The following KCND3 variants were observed in gnomAD, a reference collection of about 807,000 sequenced individuals.
KCND3 encodes A-type voltage-gated potassium channel KCND3.
Under a neutral mutation model 51.1 loss-of-function variants are expected in KCND3, and 9 were observed. The ratio of observed to expected loss-of-function variants is 0.18; its 90% CI spans 0.11 to 0.31. KCND3 has a LOEUF of 0.31. Among genes scored for constraint, KCND3 ranks in the 10% least tolerant of loss-of-function variants. KCND3 has a pLI of 1.00. For missense variants in KCND3, 526 were observed against 903.8 expected (o/e 0.58, Z 5.36); for synonymous variants, 349 against 368.0 (o/e 0.95, Z 0.59).
At chr1:111,839,635 A>G (rs576930491) in intron 2 of KCND3, among the ~76,000 whole-genome samples, 1 of 152,388 alleles carries the variant, frequency 6.6e-6, no homozygotes, top group African/African-American at 2.4e-5. Context: ...ATGATGGCTA[A>G]TATGTATTGA....
chr1:111,912,043 G>C (rs898662385), intron 2 of KCND3, among the ~76,000 whole-genome samples: 11 of 152,216 alleles, frequency 7.2e-5, no homozygotes, highest in South Asian at 2.1e-4. Flanking sequence ...TCCACTTAAA[G>C]AGCTTTGCCA....
chr1:111,982,463 G>C lies in KCND3; in HGVS notation c.264C>G (p.Pro88=). ...AGTTGAGCACGCAGCGGAACACCTC[G>C]GGGTCCCGGTCGAAGAAGTACTCCT... ...DTKEYFFDRD[P]EVFRCVLNFY... The change falls in exon 2 of 8, where the codon CCC becomes CCG. Residue 88 remains proline, a synonymous_variant. Transcript: ENST00000302127. This position sits in a 1 kb window ranked among gnomAD's most constrained non-coding sequence, Gnocchi z 8.5. The C allele has an allele frequency of 6.2e-7, 1 of 1,612,374 alleles. No homozygotes were observed. The highest frequency in any genetic ancestry group is 8.5e-7 in the Non-Finnish European group (1 of 1,178,606).
chr1:111,882,992 C>A (rs1669405273), intron 2 of KCND3, among the ~76,000 whole-genome samples: 1 of 152,228 alleles, frequency 6.6e-6, no homozygotes, highest in African/African-American at 2.4e-5. Flanking sequence ...TCCTCGAGAG[C>A]CTTCCCTCCA....
intron 2 of KCND3, among the ~76,000 whole-genome samples, chr1:111,857,355 G>A (rs898950999): frequency 1.3e-4 from 20 of 152,136 alleles, no homozygotes; most frequent in Non-Finnish European, 7.3e-5. Flanking sequence ...CAGAGGGCAC[G>A]GGGCTGGTTT....
At position 111,776,127 on chromosome 1, in the gene KCND3, T is replaced by C. The variant is rs758286812; in HGVS notation, c.1918A>G (p.Thr640Ala). ...TTGCTGGCTATGGAAGGAATGTTCG[T>C]GTTGGGGCCTGGGCTGGCAGGGGGT... ...RPPPASPGPN[T>A]NIPSIASNVV... Residue 640 changes from threonine to alanine, a missense_variant, in exon 8 of 8, where the codon ACG (threonine) becomes GCG (alanine). By Grantham distance (58) the Thr-to-Ala change is moderately conservative. Transcript: ENST00000302127. 4 of 1,614,166 alleles carry C rather than the reference T, an allele frequency of 2.5e-6. No homozygotes were observed. The highest frequency in any genetic ancestry group is 3.4e-6 in the Non-Finnish European group (4 of 1,180,018).
At chr1:111,881,488 G>A (rs1424551560) in intron 2 of KCND3, among the ~76,000 whole-genome samples, 2 of 152,186 alleles carry the variant, frequency 1.3e-5, no homozygotes, top group African/African-American at 4.8e-5. Flanking sequence ...GGCTTCCCCT[G>A]TCACCAGACA....
chr1:111,910,445 G>C (rs910105026), intron 2 of KCND3: 1 of 152,282 alleles, frequency 6.6e-6, no homozygotes, highest in East Asian at 1.9e-4. Context: ...GCCAGAGTGG[G>C]CAGCTGAGGT....
chr1:111,870,740 G>T (rs1370297690), intron 2 of KCND3, among the ~76,000 whole-genome samples: 1 of 152,000 alleles, frequency 6.6e-6, no homozygotes, highest in Non-Finnish European at 1.5e-5. Flanking sequence ...GACACAAAAA[G>T]AAGAAAGAGG....
chr1:111,820,086 C>T (rs1394554490), intron 2 of KCND3, among the ~76,000 whole-genome samples: 1 of 152,226 alleles, frequency 6.6e-6, no homozygotes, highest in Non-Finnish European at 1.5e-5. Flanking sequence ...GCCAACTCCT[C>T]ATGCTCTGTG....
At chr1:111,867,186 C>T (rs1483817545) in intron 2 of KCND3, among the ~76,000 whole-genome samples, 3 of 151,956 alleles carry the variant, frequency 2.0e-5, no homozygotes, top group Admixed American at 2.0e-4. Context: ...ATTGATGGTC[C>T]CACCATATAA....
At chr1:111,805,470 T>A (rs1665522425) in intron 2 of KCND3, among the ~76,000 whole-genome samples, 1 of 152,254 alleles carries the variant, frequency 6.6e-6, no homozygotes, top group Admixed American at 6.5e-5. Context: ...GGTTCCTTCC[T>A]GAGCCCCTCA....
At chr1:111,788,981 T>C (rs1021426671) in intron 2 of KCND3, among the ~76,000 whole-genome samples, 39 of 152,194 alleles carry the variant, frequency 2.6e-4, no homozygotes, top group Non-Finnish European at 2.4e-4. Flanking sequence ...CAGTTGGTTG[T>C]CCCAAGTTCA....
chr1:111,875,038 A>T (rs796287752), intron 2 of KCND3, among the ~76,000 whole-genome samples: 6 of 152,186 alleles, frequency 3.9e-5, no homozygotes, highest in African/African-American at 1.4e-4. Flanking sequence ...AATGAATCAA[A>T]TGTCCCGAGG....
chr1:111,856,406 TG>T lies in KCND3; in HGVS notation c.1107-69301del, dbSNP rs138035599. 2.9e-3 allele frequency among the ~76,000 whole-genome samples: 436 copies of T among 152,306 alleles called. 2 individuals are homozygous for T. Among genetic ancestry groups the T allele is most frequent in the African/African-American group, 9.6e-3 (401 of 41,558 alleles). On this transcript the variant is annotated intron_variant, in intron 2 of 7. Coordinates refer to ENST00000302127, the MANE Select transcript of KCND3 (RefSeq NM_001378969.1). ...ACTGTGATCATTACAGAGGATAACA[TG>T]AGTGGAAGCTCTCTGCGTGCTGTGC...
intron 2 of KCND3, among the ~76,000 whole-genome samples, chr1:111,957,036 G>A (rs147800253): frequency 8.3e-4 from 127 of 152,282 alleles, no homozygotes; most frequent in African/African-American, 2.7e-3. Flanking sequence ...AGGGCCTGGG[G>A]CCTGCAAGAC....
At chr1:111,782,344 G>GA (rs1251230183) in intron 3 of KCND3, among the ~76,000 whole-genome samples, 20 of 152,104 alleles carry the variant, frequency 1.3e-4, no homozygotes, top group Admixed American at 1.3e-3. Flanking sequence ...ACTTGAGCCT[G>GA]AAAGATCTTC....
intron 2 of KCND3, among the ~76,000 whole-genome samples, chr1:111,935,407 G>A (rs1418314978): frequency 6.6e-6 from 1 of 152,038 alleles, no homozygotes; most frequent in Non-Finnish European, 1.5e-5. Context: ...TGACTTGCCT[G>A]TTTTTACTCA....
intron 2 of KCND3, among the ~76,000 whole-genome samples, chr1:111,965,489 C>CACACACACACACACAT (rs1553184421): frequency 6.7e-6 from 1 of 150,056 alleles, no homozygotes; most frequent in Non-Finnish European, 1.5e-5. Flanking sequence ...CACACACACA[C>CACACACACACACACAT]GCCAGGAGCA....
intron 2 of KCND3, among the ~76,000 whole-genome samples, chr1:111,833,883 C>T (rs1666958753): frequency 6.6e-6 from 1 of 152,126 alleles, no homozygotes; most frequent in Admixed American, 6.5e-5. Flanking sequence ...ATAAGGGAAA[C>T]CCAACAAGAA....
Sources: gnomAD v4.1 joint callset for allele counts (sites outside exome capture counted in the v4.1 genomes callset) on GRCh38, gnomAD v4.1.1 for gene constraint, Gnocchi (gnomAD v3.1) non-coding constraint, MANE v1.5 for transcripts, NCBI Gene and HGNC (gene_info 2026-07-23, HGNC 2026-07-21) for gene names.